The following CRYBG1 variants were observed in gnomAD, a reference collection of about 807,000 sequenced individuals.
The protein encoded by CRYBG1 is crystallin beta-gamma domain containing 1, also known as beta/gamma crystallin domain-containing protein 1.
Under a neutral mutation model 189.2 loss-of-function variants are expected in CRYBG1, and 139 were observed. That is an observed-to-expected ratio of 0.73 (90% CI 0.64 to 0.85). The LOEUF (loss-of-function observed/expected upper bound fraction) is 0.85, where lower values mean the gene tolerates loss of function less well. CRYBG1 is among the 40% of genes least tolerant of loss of function. CRYBG1 has a pLI of 0.00. For synonymous variants in CRYBG1, 1,023 were observed against 1,017.1 expected (o/e 1.01, Z -0.11); for missense variants, 2,611 against 2,675.8 (o/e 0.98, Z 0.53).
At position 106,522,598 on chromosome 6, in the gene CRYBG1, T is replaced by A. The variant is rs1418622637; in HGVS notation, c.4245+1145T>A. On this transcript the variant is annotated intron_variant, in intron 4 of 21. Coordinates refer to ENST00000633556, the MANE Select transcript of CRYBG1 (RefSeq NM_001371242.2). ...AGAGGAAGGTGGAATATATGTTTAG[T>A]GATCAGCTCTGCCAGGCTAGAAACC... 2.0e-5 allele frequency among the ~76,000 whole-genome samples: 3 copies of A among 152,246 alleles called. No individual in the cohort carries two copies. The East Asian group carries it at 5.8e-4, about 29-fold the overall frequency.
intron 1 of CRYBG1, among the ~76,000 whole-genome samples, chr6:106,433,569 T>C (rs544868711): frequency 1.4e-3 from 220 of 151,982 alleles, no homozygotes; most frequent in Middle Eastern, 3.4e-3. Flanking sequence ...ATACTGGAAT[T>C]GTTATAGTAT....
chr6:106,529,079 G>A (rs1414742359), intron 7 of CRYBG1, among the ~76,000 whole-genome samples: 1 of 151,958 alleles, frequency 6.6e-6, no homozygotes, highest in African/African-American at 2.4e-5. Context: ...CAGAGTAGCT[G>A]GGATTACAGG....
chr6:106,407,161 A>G (rs1355976721), intron 1 of CRYBG1, among the ~76,000 whole-genome samples: 1 of 152,212 alleles, frequency 6.6e-6, no homozygotes, highest in Non-Finnish European at 1.5e-5. Context: ...AAAGACACAC[A>G]TAGCCTCAAA....
At position 106,543,517 on chromosome 6, in the gene CRYBG1, G is replaced by A. The variant is rs752364016; in HGVS notation, c.4959G>A (p.Glu1653=). 2.5e-6 allele frequency: 4 copies of A among 1,614,102 alleles called. No individual in the cohort carries two copies. The highest frequency in any genetic ancestry group is 2.5e-6 in the Non-Finnish European group (3 of 1,179,968). The change falls in exon 11 of 22, where the codon GAG becomes GAA. Residue 1653 remains glutamate, a synonymous_variant. Coordinates refer to ENST00000633556, the MANE Select transcript of CRYBG1 (RefSeq NM_001371242.2). ...LETGMCSFVM[E]GGETEEATGD... is the part of the protein sequence containing the mutation. ...CAGGAATGTGTAGTTTTGTCATGGA[G>A]GGAGGTGAAACAGAAGAGGCGACTG...
At chr6:106,563,498 C>T (rs1218347213) in intron 20 of CRYBG1, among the ~76,000 whole-genome samples, 1 of 152,112 alleles carries the variant, frequency 6.6e-6, no homozygotes, top group Non-Finnish European at 1.5e-5. Context: ...TGAGGCTTTC[C>T]CTACTAGTAA....
In CRYBG1 at chr6:106,525,286, C is replaced by A. The variant is rs778932189; in HGVS notation, c.4312C>A (p.Pro1438Thr). The A allele has an allele frequency of 2.5e-6, 4 of 1,613,962 alleles. No individual in the cohort carries two copies. Residue 1438 changes from proline (P) to threonine (T), a missense_variant, in exon 6 of 22, where the codon CCC becomes ACC. Around this residue, in one of 3 missense-constraint regions of CRYBG1, gnomAD observed 1,622 missense variants for 1,735.0 expected, o/e 0.93. Coordinates refer to ENST00000633556, the MANE Select transcript of CRYBG1 (RefSeq NM_001371242.2). ...RPGKVVIYSEPDVSEKCIEVF... is the reference protein window; with the variant it reads ...RPGKVVIYSETDVSEKCIEVF... ...CTTGCAGGTAGTGATATATAGTGAA[C>A]CCGACGTCTCTGAGAAGTGCATTGA...
chr6:106,472,908 T>TAAAAA (rs1772263495), intron 2 of CRYBG1, among the ~76,000 whole-genome samples: 1 of 92,810 alleles, frequency 1.1e-5, no homozygotes, highest in African/African-American at 3.7e-5. Context: ...TGTCTCAAAA[T>TAAAAA]TAAAAAAAAA....
intron 1 of CRYBG1, among the ~76,000 whole-genome samples, chr6:106,376,261 G>A (rs1770161809): frequency 6.6e-6 from 1 of 152,090 alleles, no homozygotes; most frequent in Admixed American, 6.6e-5. Flanking sequence ...TTTATCATAA[G>A]CCTCTCCCTA....
At chr6:106,534,836 TG>T (rs1333889462) in intron 8 of CRYBG1, among the ~76,000 whole-genome samples, 2 of 151,432 alleles carry the variant, frequency 1.3e-5, no homozygotes, top group South Asian at 2.1e-4. Context: ...GGGGTGGAAG[TG>T]GGGGGTGGTA....
At chr6:106,405,770 G>A (rs980048889) in intron 1 of CRYBG1, among the ~76,000 whole-genome samples, 12 of 151,956 alleles carry the variant, frequency 7.9e-5, no homozygotes, top group Admixed American at 2.6e-4. Context: ...TCCAGCAAAC[G>A]TGCAGCAGTA....
chr6:106,510,007 T>A (rs920874812), intron 2 of CRYBG1, among the ~76,000 whole-genome samples: 3 of 152,106 alleles, frequency 2.0e-5, no homozygotes, highest in Non-Finnish European at 4.4e-5. Flanking sequence ...CCAAAGTCCA[T>A]TTGCTGCATG....
At chr6:106,541,891 A>ACCCTTTT (rs1204738187) in intron 10 of CRYBG1, among the ~76,000 whole-genome samples, 11 of 152,110 alleles carry the variant, frequency 7.2e-5, no homozygotes, top group African/African-American at 2.7e-4. Flanking sequence ...TGTTATATTG[A>ACCCTTTT]GTTAACAATT....
intron 2 of CRYBG1, among the ~76,000 whole-genome samples, chr6:106,456,192 C>T (rs543403216): frequency 6.6e-6 from 1 of 152,322 alleles, no homozygotes; most frequent in East Asian, 1.9e-4. Flanking sequence ...CTCACTCTGT[C>T]GCCCAGGCTG....
At chr6:106,499,012 GAT>G (rs1226006774) in intron 2 of CRYBG1, among the ~76,000 whole-genome samples, 1 of 151,748 alleles carries the variant, frequency 6.6e-6, no homozygotes, top group Non-Finnish European at 1.5e-5. Flanking sequence ...TAGTAACAAT[GAT>G]ATTTTGGGAT....
chr6:106,545,001 A>G, intron 13 of CRYBG1, 68 bp downstream of exon 13: 1 of 1,328,826 alleles, frequency 7.5e-7, no homozygotes, highest in Non-Finnish European at 1.0e-6. Flanking sequence ...AACTGGTAAG[A>G]GTCTATCACA....
chr6:106,397,623 C>T (rs1264451247), intron 1 of CRYBG1, among the ~76,000 whole-genome samples: 2 of 152,162 alleles, frequency 1.3e-5, no homozygotes, highest in African/African-American at 4.8e-5. Flanking sequence ...ACACAGAGTT[C>T]AGTAGTCAGC....
chr6:106,426,221 C>A (rs1027345079), intron 1 of CRYBG1, among the ~76,000 whole-genome samples: 1 of 152,172 alleles, frequency 6.6e-6, no homozygotes, highest in African/African-American at 2.4e-5. Flanking sequence ...CTAAGTCAAG[C>A]CTTTCACTCG....
intron 1 of CRYBG1, among the ~76,000 whole-genome samples, chr6:106,391,974 TGCGC>T (rs1562294444): frequency 1.6e-4 from 22 of 133,434 alleles, no homozygotes; most frequent in African/African-American, 5.8e-4. Flanking sequence ...TGTGTGTGCG[TGCGC>T]GTTTCCTGAA....
chr6:106,506,645 G>T (rs1399111655), intron 2 of CRYBG1, among the ~76,000 whole-genome samples: 1 of 151,670 alleles, frequency 6.6e-6, no homozygotes, highest in Non-Finnish European at 1.5e-5. Context: ...TAGAGACGGG[G>T]TTTCACCACA....
Sources: gnomAD v4.1 joint callset for allele counts (sites outside exome capture counted in the v4.1 genomes callset) on GRCh38, gnomAD v4.1.1 for gene constraint, gnomAD v4.1.1 regional missense constraint, MANE v1.5 for transcripts, NCBI Gene and HGNC (gene_info 2026-07-23, HGNC 2026-07-21) for gene names.